The following C6orf118 variants were observed in gnomAD, a reference collection of about 807,000 sequenced individuals.
The protein encoded by C6orf118 is uncharacterized protein C6orf118.
A neutral mutation model predicts 50.2 loss-of-function variants in C6orf118; 50 were observed. That is an observed-to-expected ratio of 1.00 (90% CI 0.79 to 1.26). The LOEUF (loss-of-function observed/expected upper bound fraction) is 1.26. Among genes scored for constraint, C6orf118 ranks in the 50% most tolerant of loss-of-function variants. C6orf118 has a pLI of 0.00. For synonymous variants in C6orf118, 239 were observed against 230.9 expected, an observed-to-expected ratio of 1.03 and a Z score of -0.32; for missense variants, 641 against 578.7, an observed-to-expected ratio of 1.11 and a Z score of -1.10.
chr6:165,296,104 T>C (rs998635780), intron 5 of C6orf118, among the ~76,000 whole-genome samples: 1 of 152,192 alleles, frequency 6.6e-6, no homozygotes, highest in Admixed American at 6.5e-5. Flanking sequence ...TCACTTGCTC[T>C]CACAAACAAA....
rs118007887 is a variant in C6orf118 at position 165,279,734 on chromosome 6, G to A, written c.*323C>T. 6 of 222,054 alleles carry A rather than the reference G, an allele frequency of 2.7e-5. No homozygotes were observed. The highest frequency in any genetic ancestry group is 1.1e-4 in the African/African-American group (5 of 44,360). The allele number at this position is 222,054 out of a possible 1,614,324, so 13.8% of individuals were successfully genotyped here. A position where few individuals can be genotyped will look rare whatever the true frequency, so the allele number is the denominator to read the frequency against. On this transcript the variant is annotated 3_prime_UTR_variant, in exon 9 of 9. Coordinates refer to ENST00000230301, the MANE Select transcript of C6orf118 (RefSeq NM_144980.4). ...TGTGTTGGCAAATAAACAAATTTGA[G>A]CTGTATTCAAGCAGCGCTGAATTCC... is the stretch of plus-strand genomic sequence containing the variant.
chr6:165,308,438 G>T (rs1023741197), intron 1 of C6orf118, among the ~76,000 whole-genome samples: 1 of 152,106 alleles, frequency 6.6e-6, no homozygotes, highest in African/African-American at 2.4e-5. Flanking sequence ...GACTTCCTAG[G>T]GCCAGGGCCC....
At position 165,301,558 on chromosome 6, in the gene C6orf118, G is replaced by A; in HGVS notation, c.753+11C>T. On this transcript the variant is annotated intron_variant, in intron 2 of 8. Transcript: ENST00000230301. The stretch of plus-strand genomic sequence containing the variant: ...TCTTCCCTGAGACCACCGCAGGGCT[G>A]CCCTCCTCACCTGCTGCAGCTTTCT... The A allele has an allele frequency of 6.2e-7, 1 of 1,604,410 alleles. No homozygotes were observed. Among genetic ancestry groups the A allele is most frequent in the East Asian group, 2.2e-5 (1 of 44,754 alleles).
chr6:165,293,876 A>G (rs536178318), intron 5 of C6orf118, among the ~76,000 whole-genome samples: 5 of 152,334 alleles, frequency 3.3e-5, no homozygotes, highest in African/African-American at 1.2e-4. Flanking sequence ...ATGCTGAAAT[A>G]CACGGCATCT....
At chr6:165,285,085 G>C (rs903754730) in intron 7 of C6orf118, among the ~76,000 whole-genome samples, 7 of 152,236 alleles carry the variant, frequency 4.6e-5, no homozygotes, top group Non-Finnish European at 8.8e-5. Context: ...CACATGCAAA[G>C]ACACACATAG....
intron 5 of C6orf118, among the ~76,000 whole-genome samples, chr6:165,294,329 A>C (rs989990369): frequency 3.9e-5 from 6 of 151,976 alleles, no homozygotes; most frequent in African/African-American, 1.4e-4. Flanking sequence ...AACAGAAAAA[A>C]ACCTCCTTGT....
chr6:165,293,621 T>C, intron 5 of C6orf118, 150 bp from the exon 6 acceptor site: 1 of 586,026 alleles, frequency 1.7e-6, no homozygotes, highest in South Asian at 2.8e-5. Flanking sequence ...AGATATTTAT[T>C]AAATGACAGC....
Position 165,299,481 on chromosome 6 carries a change from C to T in C6orf118, c.898G>A (p.Ala300Thr). Residue 300 changes from alanine to threonine, a missense_variant, in exon 4 of 9, where the codon GCA becomes ACA. Transcript: ENST00000230301. ...KVKDEYELYM[A>T]TLLESQPAAQ... is the part of the protein sequence containing the mutation. ...GCAGGCTGGGACTCCAGGAGCGTTG[C>T]CATGTAGAGTTCATATTCATCCTGT... 1 of 1,614,006 alleles carries T rather than the reference C, an allele frequency of 6.2e-7. No individual in the cohort carries two copies. The highest frequency in any genetic ancestry group is 8.5e-7 in the Non-Finnish European group (1 of 1,179,992).
chr6:165,307,962 T>C (rs1780807362), intron 1 of C6orf118, among the ~76,000 whole-genome samples: 1 of 152,202 alleles, frequency 6.6e-6, no homozygotes, highest in Non-Finnish European at 1.5e-5. Flanking sequence ...AATCTGGCCT[T>C]TCCTGAACCC....
intron 6 of C6orf118, among the ~76,000 whole-genome samples, chr6:165,292,859 CT>C (rs1780151056): frequency 1.3e-5 from 2 of 152,156 alleles, no homozygotes; most frequent in Non-Finnish European, 1.5e-5. Context: ...TAAAAGCACT[CT>C]GGCAAGGATC....
In C6orf118 at chr6:165,301,614, G is replaced by C; in HGVS notation, c.708C>G (p.Phe236Leu). ...LAKQDLLKND[F>L]TGSKAAAGHE... is the part of the protein sequence containing the mutation. The stretch of plus-strand genomic sequence containing the variant: ...GGCCCGCGGCCGCCTTGCTCCCAGT[G>C]AAGTCATTCTTCAGGAGATCTTGCT... Residue 236 changes from phenylalanine (F) to leucine (L), a missense_variant, in exon 2 of 9, where the codon TTC becomes TTG. By Grantham distance (22) the Phe-to-Leu change is conservative. Transcript: ENST00000230301. The C allele has an allele frequency of 6.2e-7, 1 of 1,614,040 alleles. No homozygotes were observed. The highest frequency in any genetic ancestry group is 8.5e-7 in the Non-Finnish European group (1 of 1,180,004).
intron 6 of C6orf118, among the ~76,000 whole-genome samples, chr6:165,292,000 G>A (rs985964422): frequency 1.3e-5 from 2 of 152,228 alleles, no homozygotes; most frequent in African/African-American, 4.8e-5. Context: ...TTTGAAATTT[G>A]GGGAAATTAA....
intron 6 of C6orf118, 132 bp from the exon 7 acceptor site, chr6:165,290,199 C>G (rs1465234157): frequency 1.7e-6 from 1 of 578,344 alleles, no homozygotes; most frequent in African/African-American, 2.0e-5. Context: ...AAACTCGAAG[C>G]ATGTCAATAA....
chr6:165,288,703 G>A (rs551074488), intron 7 of C6orf118, among the ~76,000 whole-genome samples: 65 of 152,122 alleles, frequency 4.3e-4, no homozygotes, highest in African/African-American at 1.2e-3. Flanking sequence ...CAAACACCAC[G>A]TGTTCTCACT....
intron 4 of C6orf118, 67 bp downstream of exon 4, chr6:165,299,376 A>G: frequency 6.9e-7 from 1 of 1,444,596 alleles, no homozygotes; most frequent in South Asian, 1.2e-5. Context: ...AAAGGTTTCC[A>G]CTGCTCATGA....
Position 165,279,777 on chromosome 6 carries a change from T to C in C6orf118, c.*280A>G. Reference sequence around the variant, plus strand: ...TGAATTCCTTATTCTTAGCAAATAATCAAAAGTATTTTCCAAAGTTGAACA... The same window carrying C: ...TGAATTCCTTATTCTTAGCAAATAACCAAAAGTATTTTCCAAAGTTGAACA... On this transcript the variant is annotated 3_prime_UTR_variant, in exon 9 of 9. Coordinates refer to ENST00000230301, the MANE Select transcript of C6orf118 (RefSeq NM_144980.4). 1 of 313,384 alleles carries C rather than the reference T, an allele frequency of 3.2e-6. No homozygotes were observed. Among genetic ancestry groups the C allele is most frequent in the East Asian group, 5.4e-5 (1 of 18,382 alleles). The allele number at this position is 313,384 out of a possible 1,614,324, so 19.4% of individuals were successfully genotyped here.
At chr6:165,284,053 T>C (rs1358974184) in intron 7 of C6orf118, among the ~76,000 whole-genome samples, 9 of 152,122 alleles carry the variant, frequency 5.9e-5, no homozygotes, top group Non-Finnish European at 1.5e-5. Context: ...TATGTTCTAA[T>C]CCAGTGCAGA....
chr6:165,281,551 G>A (rs992262912), intron 8 of C6orf118, 89 bp downstream of exon 8: 7 of 1,431,506 alleles, frequency 4.9e-6, no homozygotes, highest in Non-Finnish European at 6.4e-6. Context: ...AAAGAATTAC[G>A]ATCAGTTGGT....
intron 1 of C6orf118, among the ~76,000 whole-genome samples, chr6:165,308,433 C>T (rs1412074165): frequency 6.6e-6 from 1 of 152,158 alleles, no homozygotes; most frequent in Admixed American, 6.5e-5. Context: ...GAGGCGACTT[C>T]CTAGGGCCAG....
Sources: gnomAD v4.1 joint callset for allele counts (sites outside exome capture counted in the v4.1 genomes callset) on GRCh38, gnomAD v4.1.1 for gene constraint, MANE v1.5 for transcripts, NCBI Gene and HGNC (gene_info 2026-07-23, HGNC 2026-07-21) for gene names.